The following CHMP5 variants were observed in gnomAD, a reference collection of about 807,000 sequenced individuals.
CHMP5 encodes SNF7 domain containing 2.
In CHMP5, 17 loss-of-function variants were observed where a neutral mutation model predicts 33.0. The ratio of observed to expected loss-of-function variants is 0.52; its 90% CI spans 0.35 to 0.77. The LOEUF is 0.77. CHMP5 is among the 30% of genes least tolerant of loss of function. CHMP5 has a pLI of 0.01. For synonymous variants in CHMP5, 76 were observed against 90.2 expected (o/e 0.84, Z 0.89); for missense variants, 216 against 261.5 (o/e 0.83, Z 1.20).
chr9:33,268,799 C>A (rs1412198078), intron 3 of CHMP5, among the ~76,000 whole-genome samples: 1 of 152,210 alleles, frequency 6.6e-6, no homozygotes, highest in African/African-American at 2.4e-5. Context: ...ATTCTTACTA[C>A]TAGAAATAAC....
At position 33,279,456 on chromosome 9, in the gene CHMP5, CG is replaced by C. The variant is rs1282190015; in HGVS notation, c.609+1232del. Among the ~76,000 whole-genome samples, 3 of 152,208 alleles carry C rather than the reference CG, an allele frequency of 2.0e-5. 1 individual carries two copies. The highest frequency in any genetic ancestry group is 7.2e-5 in the African/African-American group (3 of 41,522). On this transcript the variant is annotated intron_variant, in intron 7 of 7. Coordinates refer to ENST00000223500, the MANE Select transcript of CHMP5 (RefSeq NM_016410.6). ...CCTTTCTGAACTGCCCACTCCTCCCCGACCTCTCTGGCAACTTCAAGGTCCC... is the reference window on the plus strand; with the variant it reads ...CCTTTCTGAACTGCCCACTCCTCCCCACCTCTCTGGCAACTTCAAGGTCCC...
chr9:33,271,754 CCTA>C (rs2118027187), intron 5 of CHMP5, among the ~76,000 whole-genome samples: 1 of 152,144 alleles, frequency 6.6e-6, no homozygotes, highest in South Asian at 2.1e-4. Context: ...AGGATGTAAC[CCTA>C]TCATAAGTCA....
Position 33,276,560 on chromosome 9 carries a change from A to T in CHMP5, c.492A>T (p.Glu164Asp). Residue 164 changes from glutamate (E) to aspartate (D), a missense_variant, in exon 6 of 8, where the codon GAA (glutamate) becomes GAT (aspartate). Coordinates refer to ENST00000223500, the MANE Select transcript of CHMP5 (RefSeq NM_016410.6). ...CAGAACTGGATGAAGATGATTTAGA[A>T]GCAGGTAAGTTATGAGAAAAGTAAT... Reference protein sequence around the residue: ...GTPELDEDDLEAELDALGDEL... With the variant: ...GTPELDEDDLDAELDALGDEL... 1 of 1,577,002 alleles carries T rather than the reference A, an allele frequency of 6.3e-7. No homozygotes were observed. Among genetic ancestry groups the T allele is most frequent in the Admixed American group, 1.7e-5 (1 of 59,466 alleles).
In CHMP5 at chr9:33,281,905, A is replaced by C. The variant is rs2118065590; in HGVS notation, c.*1046A>C. On this transcript the variant is annotated 3_prime_UTR_variant, in exon 8 of 8. Transcript: ENST00000223500. The stretch of plus-strand genomic sequence containing the variant: ...GTGCCTGGAGTACTACAGCAAGTTC[A>C]AACTCCTGCCCAATTTCAGGGTCTT... 1 of 152,364 alleles carries C rather than the reference A, an allele frequency of 6.6e-6. No homozygotes were observed. Among genetic ancestry groups the C allele is most frequent in the African/African-American group, 2.4e-5 (1 of 41,586 alleles). 9.4% of individuals were successfully genotyped at this position (152,364 alleles called of 1,614,324 possible). A position where few individuals can be genotyped will look rare whatever the true frequency, so the allele number is the denominator to read the frequency against.
At chr9:33,269,678 T>C (rs535291051) in intron 3 of CHMP5, among the ~76,000 whole-genome samples, 1 of 152,256 alleles carries the variant, frequency 6.6e-6, no homozygotes, top group African/African-American at 2.4e-5. Context: ...TAAAGCCTTA[T>C]TAAGATATGT....
At chr9:33,274,152 C>T (rs561009002) in intron 5 of CHMP5, among the ~76,000 whole-genome samples, 7 of 152,042 alleles carry the variant, frequency 4.6e-5, no homozygotes, top group South Asian at 4.2e-4. Flanking sequence ...CTCAGCTCAC[C>T]GCAACCTCTG....
At chr9:33,275,086 T>C (rs1208949223) in intron 5 of CHMP5, among the ~76,000 whole-genome samples, 1 of 152,226 alleles carries the variant, frequency 6.6e-6, no homozygotes, top group East Asian at 1.9e-4. Context: ...CTTAGATTGG[T>C]TTCATATTAC....
intron 7 of CHMP5, among the ~76,000 whole-genome samples, chr9:33,278,769 C>CTA (rs1820885702): frequency 2.0e-5 from 3 of 152,108 alleles, no homozygotes; most frequent in Admixed American, 2.0e-4. Flanking sequence ...ACACCTGACA[C>CTA]TAAGTATGAC....
At chr9:33,269,923 G>A (rs879617152) in intron 3 of CHMP5, among the ~76,000 whole-genome samples, 6 of 152,064 alleles carry the variant, frequency 3.9e-5, no homozygotes, top group East Asian at 3.9e-4. Context: ...GCAGTGAGCC[G>A]AGATCGTACC....
chr9:33,279,638 C>T (rs554751217), intron 7 of CHMP5, among the ~76,000 whole-genome samples: 7 of 151,968 alleles, frequency 4.6e-5, no homozygotes, highest in East Asian at 3.9e-4. Flanking sequence ...CTGGGGCAGG[C>T]GGATCACGAG....
chr9:33,270,759 CTTA>C, intron 4 of CHMP5, 43 bp downstream of exon 4: 1 of 1,452,918 alleles, frequency 6.9e-7, no homozygotes, highest in South Asian at 1.1e-5. Flanking sequence ...TGTATTTATT[CTTA>C]TTCTCTTTTC....
Position 33,267,850 on chromosome 9 carries a change from C to T in CHMP5, c.175-3C>T, listed in dbSNP as rs201716209. ...TTTTTATTAAATCTGTTTTTCTCTC[C>T]AGAATATGGTCAAGCAGAAAGCCTT... is the stretch of plus-strand genomic sequence containing the variant. On this transcript the variant is annotated splice_polypyrimidine_tract_variant and splice_region_variant and intron_variant, in intron 2 of 7. Coordinates refer to ENST00000223500, the MANE Select transcript of CHMP5 (RefSeq NM_016410.6). 47 of 1,605,764 alleles carry T rather than the reference C, an allele frequency of 2.9e-5. No homozygotes were observed. Among genetic ancestry groups the T allele is most frequent in the Non-Finnish European group, 3.8e-5 (44 of 1,173,140 alleles).
intron 3 of CHMP5, among the ~76,000 whole-genome samples, chr9:33,269,108 C>G (rs1820762950): frequency 6.6e-6 from 1 of 152,096 alleles, no homozygotes; most frequent in Admixed American, 6.5e-5. Context: ...TGACATAAGT[C>G]TTTGAGGTAA....
At chr9:33,280,732 C>A in intron 7 of CHMP5, 77 bp from the exon 8 acceptor site, 1 of 1,322,502 alleles carries the variant, frequency 7.6e-7, no homozygotes, top group Non-Finnish European at 1.1e-6. Context: ...TGAGTTTTAA[C>A]TATTAAATGT....
chr9:33,276,400 G>T, intron 5 of CHMP5, 56 bp from the exon 6 acceptor site: 2 of 916,654 alleles, frequency 2.2e-6, no homozygotes, highest in East Asian at 2.4e-5. Context: ...AGGGGAAAAG[G>T]GTAGTTAAAA....
chr9:33,276,522 AGTTATG>A lies in CHMP5; in HGVS notation c.456_461del (p.Tyr153_Gly154del), dbSNP rs1564087751. On this transcript the variant is annotated inframe_deletion, in exon 6 of 8. Coordinates refer to ENST00000223500, the MANE Select transcript of CHMP5 (RefSeq NM_016410.6). ...TGAAATCCAAGAAGCACTGAGTCGC[AGTTATG>A]GCACCCCAGAACTGGATGAAGATGA... 6.2e-7 allele frequency: 1 copy of A among 1,611,004 alleles called. No individual in the cohort carries two copies. Among genetic ancestry groups the A allele is most frequent in the East Asian group, 2.2e-5 (1 of 44,806 alleles).
chr9:33,275,489 C>G (rs895694604), intron 5 of CHMP5, among the ~76,000 whole-genome samples: 4 of 152,084 alleles, frequency 2.6e-5, no homozygotes, highest in African/African-American at 9.7e-5. Flanking sequence ...TCAGTTGTTT[C>G]TACTCTTGCC....
chr9:33,268,106 T>A (rs1235221379), intron 3 of CHMP5, among the ~76,000 whole-genome samples: 1 of 152,254 alleles, frequency 6.6e-6, no homozygotes, highest in Admixed American at 6.5e-5. Flanking sequence ...ATGGAGATGC[T>A]CTATATCTGT....
chr9:33,277,144 C>T (rs543007846), intron 6 of CHMP5, among the ~76,000 whole-genome samples: 3 of 144,380 alleles, frequency 2.1e-5, no homozygotes, highest in South Asian at 4.3e-4. Flanking sequence ...TCCAGTGAGC[C>T]GAGATTGCCC....
Sources: gnomAD v4.1 joint callset for allele counts (sites outside exome capture counted in the v4.1 genomes callset) on GRCh38, gnomAD v4.1.1 for gene constraint, MANE v1.5 for transcripts, NCBI Gene and HGNC (gene_info 2026-07-23, HGNC 2026-07-21) for gene names.